TMC7: variants seen among roughly 807,000 people sequenced by gnomAD.
The protein encoded by TMC7 is transmembrane channel-like protein 7.
Under a neutral mutation model 82.9 loss-of-function variants are expected in TMC7, and 54 were observed. The ratio of observed to expected loss-of-function variants is 0.65; its 90% CI spans 0.52 to 0.82. TMC7 has a LOEUF of 0.82. Ranked by LOEUF, TMC7 falls within the 40% of genes least tolerant of loss-of-function variation. The probability of loss-of-function intolerance (pLI) is 0.00; values close to 1 mark genes in which losing one functional copy is unlikely to be tolerated. For missense variants in TMC7, 820 were observed against 901.2 expected (o/e 0.91, Z 1.15); for synonymous variants, 350 against 337.9 (o/e 1.04, Z -0.39).
At chr16:19,039,608 C>T (rs542829746) in intron 8 of TMC7, among the ~76,000 whole-genome samples, 32 of 152,210 alleles carry the variant, frequency 2.1e-4, no homozygotes, top group South Asian at 6.2e-4. Flanking sequence ...CTTTTTATTG[C>T]GGATGGCTAT....
chr16:19,042,874 G>A (rs896483451), intron 9 of TMC7, among the ~76,000 whole-genome samples: 4 of 152,114 alleles, frequency 2.6e-5, no homozygotes, highest in African/African-American at 9.6e-5. Context: ...AGCCTCCCAA[G>A]TAGCCGGGAC....
chr16:19,051,875 T>C (rs1596794795), intron 13 of TMC7, 59 bp downstream of exon 13: 4 of 1,598,890 alleles, frequency 2.5e-6, no homozygotes, highest in African/African-American at 2.7e-5. Context: ...TCCTCTTTTA[T>C]GTAAAAGCGT....
chr16:19,027,364 G>T (rs1194259867), intron 5 of TMC7, among the ~76,000 whole-genome samples: 1 of 152,074 alleles, frequency 6.6e-6, no homozygotes, highest in Non-Finnish European at 1.5e-5. Flanking sequence ...ACTGTGCCCG[G>T]CCCAGAACCA....
intron 5 of TMC7, among the ~76,000 whole-genome samples, 184 bp from the exon 6 acceptor site, chr16:19,030,040 G>GT (rs1338743608): frequency 6.6e-6 from 1 of 152,164 alleles, no homozygotes; most frequent in Non-Finnish European, 1.5e-5. Flanking sequence ...TAATGCCAGG[G>GT]TTTTATCAGT....
chr16:18,990,400 T>G (rs150706723), intron 1 of TMC7, among the ~76,000 whole-genome samples: 55 of 152,258 alleles, frequency 3.6e-4, no homozygotes, highest in African/African-American at 1.3e-3. Context: ...GTTCAAGCAA[T>G]TTTTGTGCCT....
chr16:19,045,731 G>T (rs932129263), intron 11 of TMC7, among the ~76,000 whole-genome samples: 1 of 151,480 alleles, frequency 6.6e-6, no homozygotes, highest in Non-Finnish European at 1.5e-5. Flanking sequence ...CGAGTAGCTG[G>T]GACTACAGGT....
intron 1 of TMC7, among the ~76,000 whole-genome samples, chr16:19,008,383 T>C (rs1251753039): frequency 6.6e-6 from 1 of 152,324 alleles, no homozygotes; most frequent in East Asian, 1.9e-4. Context: ...ACCAGCTCTC[T>C]AAATGCAAGC....
intron 9 of TMC7, among the ~76,000 whole-genome samples, chr16:19,043,909 G>A (rs548444604): frequency 4.7e-4 from 69 of 148,334 alleles, no homozygotes; most frequent in Non-Finnish European, 8.0e-4. Context: ...TTGCTCTGTC[G>A]CCCAGGCTGG....
rs111665738 is a variant in TMC7, at chr16:19,037,830, C to A, written c.1006-44C>A. ...TGAATCAATTTCTATCCCTGAGTAT[C>A]CCTTCATCCCACTGCTCACAAGTGA... On this transcript the variant is annotated intron_variant, in intron 7 of 15. Transcript: ENST00000304381. The A allele has an allele frequency of 6.8e-4, 1,073 of 1,569,134 alleles. 8 individuals are homozygous for A. The African/African-American group carries it at 0.013, about 19-fold the overall frequency.
In TMC7 at chr16:19,059,981, A is replaced by G. The variant is rs113621767; in HGVS notation, c.2106+487A>G. On this transcript the variant is annotated intron_variant, in intron 15 of 15. Transcript: ENST00000304381. Reference sequence around the variant, plus strand: ...GACAGAGTGAGACTCCATCTTAAAAATAAAAATAAAAAAAGATGTGTATTA... The same window carrying G: ...GACAGAGTGAGACTCCATCTTAAAAGTAAAAATAAAAAAAGATGTGTATTA... 168 of 308,094 alleles carry G rather than the reference A, an allele frequency of 5.5e-4. 1 individual carries two copies. Among genetic ancestry groups the G allele is most frequent in the African/African-American group, 3.4e-3 (159 of 46,976 alleles). 19.1% of individuals were successfully genotyped at this position (308,094 alleles called of 1,614,324 possible).
rs377326089 is a variant in TMC7, at chr16:19,023,109, A to G, written c.629-4A>G. The G allele has an allele frequency of 3.0e-5, 48 of 1,583,536 alleles. No homozygotes were observed. The highest frequency in any genetic ancestry group is 4.0e-5 in the Non-Finnish European group (46 of 1,158,472). ...ACTGACATTCTGGTTTTTGTTTCTT[A>G]CAGATAAACAATGTACAGTCTATCC... is the stretch of plus-strand genomic sequence containing the variant. On this transcript the variant is annotated splice_region_variant and splice_polypyrimidine_tract_variant and intron_variant, in intron 4 of 15. Coordinates refer to ENST00000304381, the MANE Select transcript of TMC7 (RefSeq NM_024847.4).
At chr16:19,061,161 G>A (rs1465622437) in intron 15 of TMC7, among the ~76,000 whole-genome samples, 4 of 152,006 alleles carry the variant, frequency 2.6e-5, no homozygotes, top group Non-Finnish European at 4.4e-5. Flanking sequence ...CTGCCACCAC[G>A]CCCGGCTAAT....
chr16:19,009,018 C>T (rs148975318), intron 1 of TMC7, among the ~76,000 whole-genome samples, 154 bp from the exon 2 acceptor site: 33 of 152,276 alleles, frequency 2.2e-4, no homozygotes, highest in Non-Finnish European at 2.6e-4. Context: ...TCCTGAGCAC[C>T]ACTGTGGTAA....
At chr16:19,008,786 C>A (rs1596735915) in intron 1 of TMC7, among the ~76,000 whole-genome samples, 1 of 152,140 alleles carries the variant, frequency 6.6e-6, no homozygotes, top group South Asian at 2.1e-4. Context: ...GAATACATTA[C>A]TATACCCTAC....
chr16:19,049,727 C>A (rs1025295480), intron 12 of TMC7: 2 of 921,066 alleles, frequency 2.2e-6, no homozygotes, highest in Non-Finnish European at 2.6e-6. Context: ...CAGGCATGTC[C>A]CGCCGGCTGC....
chr16:19,021,796 G>T lies in TMC7; in HGVS notation c.628G>T (p.Asp210Tyr), dbSNP rs768514727. Residue 210 changes from aspartate to tyrosine, a missense_variant and splice_region_variant, in exon 4 of 16, where the codon GAT becomes TAT. Around this residue, in one of 2 missense-constraint regions of TMC7, gnomAD observed 650 missense variants for 669.9 expected, o/e 0.97. Transcript: ENST00000304381. ...SFVLIPFKDM[D>Y]KQCTVYPVSS... ...CGTGCTCATTCCTTTCAAAGACATG[G>T]GTGAGTGTAAGGCCTGGTTTACTAC... 1 of 1,613,980 alleles carries T rather than the reference G, an allele frequency of 6.2e-7. No homozygotes were observed.
chr16:19,037,780 T>C, intron 7 of TMC7, 94 bp from the exon 8 acceptor site: 2 of 1,385,774 alleles, frequency 1.4e-6, no homozygotes, highest in Non-Finnish European at 2.0e-6. Context: ...GCTAGAACTC[T>C]TAAAGATGGA....
Position 19,063,790 on chromosome 16 carries a change from T to C in TMC7, c.*1947T>C, listed in dbSNP as rs1962108952. ...TAATATATTAATTTTAGTTAAATGC[T>C]GCTAATATGCATACCTCTTACTTGA... is the stretch of plus-strand genomic sequence containing the variant. On this transcript the variant is annotated 3_prime_UTR_variant, in exon 16 of 16. Transcript: ENST00000304381. 1 of 152,124 alleles carries C rather than the reference T, an allele frequency of 6.6e-6. No homozygotes were observed. Among genetic ancestry groups the C allele is most frequent in the Non-Finnish European group, 1.5e-5 (1 of 68,030 alleles). 9.4% of individuals were successfully genotyped at this position (152,124 alleles called of 1,614,324 possible).
At chr16:19,059,623 C>G in intron 15 of TMC7, 129 bp downstream of exon 15, 1 of 1,585,580 alleles carries the variant, frequency 6.3e-7, no homozygotes, top group Non-Finnish European at 8.6e-7. Context: ...CCCCAAAACT[C>G]TGCCTTGAGG....
Sources: allele counts gnomAD v4.1 joint callset (sites outside exome capture counted in the v4.1 genomes callset), GRCh38; gene constraint gnomAD v4.1.1; regional missense constraint gnomAD v4.1.1; transcripts MANE v1.5; gene names NCBI Gene and HGNC (gene_info 2026-07-23, HGNC 2026-07-21).